The following MYO16 variants were observed in gnomAD, a reference collection of about 807,000 sequenced individuals.
MYO16 encodes the protein unconventional myosin-XVI.
A neutral mutation model predicts 205.3 loss-of-function variants in MYO16; 94 were observed. That is an observed-to-expected ratio of 0.46 (90% CI 0.39 to 0.54). The LOEUF (loss-of-function observed/expected upper bound fraction) is 0.54, where lower values mean the gene tolerates loss of function less well. Ranked by LOEUF, MYO16 falls within the 20% of genes least tolerant of loss-of-function variation. The pLI, the probability that MYO16 is intolerant of heterozygous loss-of-function variation, is 0.00. For synonymous variants in MYO16, 988 were observed against 954.0 expected, an observed-to-expected ratio of 1.04 and a Z score of -0.66; for missense variants, 2,315 against 2,387.5, an observed-to-expected ratio of 0.97 and a Z score of 0.63.
At chr13:109,024,266 T>C (rs1306402530) in intron 23 of MYO16, among the ~76,000 whole-genome samples, 1 of 151,828 alleles carries the variant, frequency 6.6e-6, no homozygotes, top group Non-Finnish European at 1.5e-5. Context: ...GGGAGTATTT[T>C]ACAATTTACA....
At chr13:108,773,132 C>T (rs1406561310) in intron 4 of MYO16, among the ~76,000 whole-genome samples, 2 of 152,122 alleles carry the variant, frequency 1.3e-5, no homozygotes, top group African/African-American at 4.8e-5. Flanking sequence ...TATAAAGGCA[C>T]CAATCCCAAT....
upstream of MYO16, among the ~76,000 whole-genome samples, chr13:108,594,146 G>A (rs1044774531): frequency 6.6e-6 from 1 of 152,186 alleles, no homozygotes; most frequent in South Asian, 2.1e-4. Context: ...GCCTTAGCCT[G>A]GCTCTTGTCC....
Position 109,125,082 on chromosome 13 carries a change from A to T in MYO16, c.3536-30A>T. On this transcript the variant is annotated intron_variant, in intron 29 of 34. Coordinates refer to ENST00000457511, the MANE Select transcript of MYO16 (RefSeq NM_001198950.3). The surrounding 1 kb of genome is among the most constrained non-coding windows in gnomAD (Gnocchi z 4.0). ...TGTCTGAGTTTTTCACTTTTCCTCCATTTACTAACCCATGATCCTTCTATA... is the reference window on the plus strand; with the variant it reads ...TGTCTGAGTTTTTCACTTTTCCTCCTTTTACTAACCCATGATCCTTCTATA... 1 of 1,605,658 alleles carries T rather than the reference A, an allele frequency of 6.2e-7. No homozygotes were observed. The highest frequency in any genetic ancestry group is 2.2e-5 in the East Asian group (1 of 44,792).
intron 31 of MYO16, among the ~76,000 whole-genome samples, chr13:109,136,697 A>C (rs1006383103): frequency 6.6e-6 from 1 of 152,186 alleles, no homozygotes; most frequent in Non-Finnish European, 1.5e-5. Flanking sequence ...TGTTCCCTTC[A>C]GCTTCCAGCA....
chr13:108,666,475 GA>G (rs1881737153), intron 2 of MYO16, among the ~76,000 whole-genome samples: 1 of 151,704 alleles, frequency 6.6e-6, no homozygotes, highest in Non-Finnish European at 1.5e-5. Flanking sequence ...TTTTATCAAT[GA>G]ATTTTTTTTT....
At chr13:108,557,038 C>T in the MYO16 span, among the ~76,000 whole-genome samples, 6,676 of 152,074 alleles carry the variant, frequency 0.044, 436 homozygotes, top group African/African-American at 0.15. Flanking sequence ...ACCATAGCCG[C>T]CTATTATTTT....
intron 31 of MYO16, among the ~76,000 whole-genome samples, chr13:109,134,425 G>A (rs1876677687): frequency 6.6e-6 from 1 of 152,208 alleles, no homozygotes. Context: ...AGTAGTGATT[G>A]TTTTACTATC....
chr13:108,668,268 T>C (rs1881828302), intron 2 of MYO16, among the ~76,000 whole-genome samples: 1 of 152,134 alleles, frequency 6.6e-6, no homozygotes, highest in Non-Finnish European at 1.5e-5. Context: ...CTATGCAACC[T>C]AGTTTCTGGT....
chr13:108,842,292 T>A (rs1331289590), intron 9 of MYO16, among the ~76,000 whole-genome samples: 1 of 152,038 alleles, frequency 6.6e-6, no homozygotes, highest in African/African-American at 2.4e-5. Flanking sequence ...GCATGTTGAA[T>A]GGGAGAAAAT....
At position 108,682,283 on chromosome 13, in the gene MYO16, C is replaced by T. The variant is rs138600989; in HGVS notation, c.292+16134C>T. ...GAATATGATCTAATAGGGACCTTGCCGTTCCTTGAATACAGTGGTTCATTT... is the reference window on the plus strand; with the variant it reads ...GAATATGATCTAATAGGGACCTTGCTGTTCCTTGAATACAGTGGTTCATTT... On this transcript the variant is annotated intron_variant, in intron 2 of 34. Transcript: ENST00000457511. Among the ~76,000 whole-genome samples the T allele has an allele frequency of 1.8e-3, 280 of 152,280 alleles. 1 individual carries two copies. The highest frequency in any genetic ancestry group is 6.6e-3 in the African/African-American group (273 of 41,558).
intron 18 of MYO16, 29 bp downstream of exon 18, chr13:108,961,685 A>ATGT: frequency 6.4e-7 from 1 of 1,551,532 alleles, no homozygotes; most frequent in Non-Finnish European, 8.9e-7. Flanking sequence ...TCTGACATTA[A>ATGT]CCACATTGAT....
the MYO16 span, among the ~76,000 whole-genome samples, chr13:108,496,001 T>TA: frequency 6.6e-6 from 1 of 151,950 alleles, no homozygotes; most frequent in East Asian, 1.9e-4. Flanking sequence ...AGTCTGGAGG[T>TA]ACGCGGGGCG....
chr13:108,729,634 T>C (rs900518388), intron 4 of MYO16, among the ~76,000 whole-genome samples: 2 of 152,226 alleles, frequency 1.3e-5, no homozygotes, highest in Non-Finnish European at 1.5e-5. Context: ...TGGCCATACT[T>C]ATTCTCACAA....
intron 28 of MYO16, among the ~76,000 whole-genome samples, chr13:109,113,710 C>T (rs747099395): frequency 5.9e-5 from 9 of 152,116 alleles, no homozygotes; most frequent in Non-Finnish European, 1.2e-4. Context: ...GAGGTGATGA[C>T]GACTCCATTA....
chr13:109,050,724 G>A (rs1307556672), intron 24 of MYO16, among the ~76,000 whole-genome samples: 2 of 152,088 alleles, frequency 1.3e-5, no homozygotes, highest in Admixed American at 1.3e-4. Flanking sequence ...TTATTTATGA[G>A]TGTACACTCA....
chr13:108,820,553 G>A, intron 8 of MYO16, 141 bp downstream of exon 8: 1 of 673,618 alleles, frequency 1.5e-6, no homozygotes, highest in East Asian at 2.8e-5. Flanking sequence ...CCCAGTTCAA[G>A]CACAATTCAT....
chr13:109,183,660 G>A (rs888030158), intron 34 of MYO16, among the ~76,000 whole-genome samples: 12 of 151,880 alleles, frequency 7.9e-5, no homozygotes, highest in African/African-American at 1.9e-4. Flanking sequence ...TTCATTATGG[G>A]CATTTATCAT....
rs748987246 is a variant in MYO16, at chr13:109,125,247, A to G, written c.3671A>G (p.Gln1224Arg). The change falls in exon 30 of 35, where the codon CAG becomes CGG. Residue 1224 changes from glutamine to arginine, a missense_variant. Around this residue, in one of 3 missense-constraint regions of MYO16, gnomAD observed 1,097 missense variants for 1,092.0 expected, o/e 1.00. Transcript: ENST00000457511. The surrounding 1 kb of genome is among the most constrained non-coding windows in gnomAD (Gnocchi z 4.0). ...AAAACCTACGATGCCCTGGTCATTC[A>G]GAATGCTTCAGACATTGCCCGGGAA... ...GLKTYDALVI[Q>R]NASDIAREND... is the part of the protein sequence containing the mutation. 9 of 1,614,080 alleles carry G rather than the reference A, an allele frequency of 5.6e-6. No homozygotes were observed. In the African/African-American group the frequency reaches 1.2e-4, roughly 22 times the overall value.
Position 108,675,673 on chromosome 13 carries a change from T to A in MYO16, c.292+9524T>A, listed in dbSNP as rs560805093. On this transcript the variant is annotated intron_variant, in intron 2 of 34. Coordinates refer to ENST00000457511, the MANE Select transcript of MYO16 (RefSeq NM_001198950.3). ...ATGACACGAATCTGAAACCGTGCTC[T>A]CTTCAACATTTTATGAGTTTGGTAG... 3.8e-4 allele frequency among the ~76,000 whole-genome samples: 58 copies of A among 152,342 alleles called. No homozygotes were observed. In the South Asian group the frequency reaches 0.012, roughly 30 times the overall value.
Sources: gnomAD v4.1 joint callset for allele counts (sites outside exome capture counted in the v4.1 genomes callset) on GRCh38, gnomAD v4.1.1 for gene constraint, gnomAD v4.1.1 regional missense constraint, Gnocchi (gnomAD v3.1) non-coding constraint, MANE v1.5 for transcripts, NCBI Gene and HGNC (gene_info 2026-07-23, HGNC 2026-07-21) for gene names.